Variants in LHCGR observed in about 807,000 individuals in gnomAD.
LHCGR encodes the protein luteinizing hormone/choriogonadotropin receptor.
In LHCGR, 55 loss-of-function variants were observed where a neutral mutation model predicts 60.7. That is an observed-to-expected ratio of 0.91 (90% CI 0.73 to 1.13). LHCGR has a LOEUF of 1.13. LHCGR is among the 50% of genes most tolerant of loss of function. The pLI, the probability that LHCGR is intolerant of heterozygous loss-of-function variation, is 0.00. For missense variants in LHCGR, 862 were observed against 836.0 expected, an observed-to-expected ratio of 1.03 and a Z score of -0.38; for synonymous variants, 337 against 316.5, an observed-to-expected ratio of 1.06 and a Z score of -0.69.
intron 9 of LHCGR, among the ~76,000 whole-genome samples, chr2:48,696,629 G>A (rs953278841): frequency 6.6e-5 from 10 of 152,096 alleles, no homozygotes; most frequent in Non-Finnish European, 1.0e-4. Flanking sequence ...CCCTGCCCCC[G>A]CCAAGAAAAA....
intron 7 of LHCGR, among the ~76,000 whole-genome samples, chr2:48,710,435 T>G (rs890487186): frequency 6.6e-6 from 1 of 152,252 alleles, no homozygotes; most frequent in African/African-American, 2.4e-5. Flanking sequence ...TGTTCAAATT[T>G]CGTGACAGAG....
Position 48,698,809 on chromosome 2 carries a change from T to G in LHCGR, c.681-9A>C, listed in dbSNP as rs1485614573. 6.2e-7 allele frequency: 1 copy of G among 1,607,514 alleles called. No individual in the cohort carries two copies. Among genetic ancestry groups the G allele is most frequent in the East Asian group, 2.2e-5 (1 of 44,782 alleles). On this transcript the variant is annotated splice_polypyrimidine_tract_variant and intron_variant, in intron 8 of 10. Coordinates refer to ENST00000294954, the MANE Select transcript of LHCGR (RefSeq NM_000233.4). ...TGGTGGAAGAAATATCCCTGAACAA[T>G]AAAGGGGAGAAATGCTTTTTATTTA...
At chr2:48,697,639 G>T (rs1054688607) in intron 9 of LHCGR, among the ~76,000 whole-genome samples, 1 of 152,088 alleles carries the variant, frequency 6.6e-6, no homozygotes, top group African/African-American at 2.4e-5. Flanking sequence ...ATTCATTTTG[G>T]TTGATTCCAA....
chr2:48,736,724 T>C (rs1274860790), intron 1 of LHCGR, among the ~76,000 whole-genome samples: 2 of 152,200 alleles, frequency 1.3e-5, no homozygotes, highest in African/African-American at 4.8e-5. Context: ...TTGTTTTGTA[T>C]GTTATATATA....
chr2:48,718,561 A>G (rs1668362180), intron 6 of LHCGR, among the ~76,000 whole-genome samples: 3 of 152,186 alleles, frequency 2.0e-5, no homozygotes, highest in Non-Finnish European at 4.4e-5. Flanking sequence ...GGCAAAGCAT[A>G]CCGTTTTAGA....
In LHCGR at chr2:48,737,588, C is replaced by T. The variant is rs72876957; in HGVS notation, c.162-6290G>A. On this transcript the variant is annotated intron_variant, in intron 1 of 10. Coordinates refer to ENST00000294954, the MANE Select transcript of LHCGR (RefSeq NM_000233.4). Reference sequence around the variant, plus strand: ...TAAATCTTTGAGCTGTCAAAGGCATCGGACTATTTGGTGGCTTCATTACAG... The same window carrying T: ...TAAATCTTTGAGCTGTCAAAGGCATTGGACTATTTGGTGGCTTCATTACAG... Among the ~76,000 whole-genome samples the T allele has an allele frequency of 5.5e-3, 845 of 152,284 alleles. 5 individuals are homozygous for T. The highest frequency in any genetic ancestry group is 0.019 in the African/African-American group (786 of 41,562).
chr2:48,715,765 A>C (rs1330681822), intron 6 of LHCGR, among the ~76,000 whole-genome samples: 1 of 152,194 alleles, frequency 6.6e-6, no homozygotes, highest in Non-Finnish European at 1.5e-5. Flanking sequence ...TAAAGGTGTG[A>C]CTCATGTTGA....
Position 48,688,072 on chromosome 2 carries a change from G to C in LHCGR, c.1725C>G (p.Ile575Met). Residue 575 changes from isoleucine (I) to methionine (M), a missense_variant, in exon 11 of 11, where the codon ATC becomes ATG. Coordinates refer to ENST00000294954, the MANE Select transcript of LHCGR (RefSeq NM_000233.4). This position sits in a 1 kb window ranked among gnomAD's most constrained non-coding sequence, Gnocchi z 5.2. ...TKIAKKMAIL[I>M]FTDFTCMAPI... ...GTGCCATGCAGGTGAAATCGGTGAAGATGAGGATTGCCATTTTCTTAGCAA... is the reference window on the plus strand; with the variant it reads ...GTGCCATGCAGGTGAAATCGGTGAACATGAGGATTGCCATTTTCTTAGCAA... 6.2e-7 allele frequency: 1 copy of C among 1,614,182 alleles called. No individual in the cohort carries two copies. Among genetic ancestry groups the C allele is most frequent in the Non-Finnish European group, 8.5e-7 (1 of 1,180,018 alleles).
chr2:48,703,135 T>C (rs968493839), intron 8 of LHCGR, among the ~76,000 whole-genome samples: 1 of 152,250 alleles, frequency 6.6e-6, no homozygotes, highest in African/African-American at 2.4e-5. Flanking sequence ...GTTTTTCTTG[T>C]AAATTTGTTT....
intron 8 of LHCGR, 66 bp downstream of exon 8, chr2:48,708,882 G>C (rs1371820366): frequency 8.3e-7 from 1 of 1,208,970 alleles, no homozygotes; most frequent in African/African-American, 1.5e-5. Context: ...TGATGTGGAG[G>C]GACACCCTAA....
At chr2:48,752,875 G>GA (rs374661878) in intron 1 of LHCGR, among the ~76,000 whole-genome samples, 22 of 145,240 alleles carry the variant, frequency 1.5e-4, no homozygotes, top group African/African-American at 2.8e-4. Context: ...CCTCTTTGAG[G>GA]AAAAAAAAAA....
At chr2:48,716,409 T>A (rs1668253033) in intron 6 of LHCGR, among the ~76,000 whole-genome samples, 1 of 152,222 alleles carries the variant, frequency 6.6e-6, no homozygotes, top group Non-Finnish European at 1.5e-5. Flanking sequence ...CCAGGCACTG[T>A]TCTAGATACA....
intron 1 of LHCGR, among the ~76,000 whole-genome samples, chr2:48,734,818 C>G (rs1293852822): frequency 6.6e-6 from 1 of 152,168 alleles, no homozygotes; most frequent in African/African-American, 2.4e-5. Flanking sequence ...AAGGACAGAG[C>G]CCTTTCTGTC....
intron 6 of LHCGR, among the ~76,000 whole-genome samples, chr2:48,716,283 A>G (rs183321928): frequency 6.6e-6 from 1 of 152,162 alleles, no homozygotes; most frequent in Admixed American, 6.5e-5. Flanking sequence ...ATTTCCATCT[A>G]AGTCAGTAGC....
At chr2:48,709,597 A>C (rs889191211) in intron 7 of LHCGR, among the ~76,000 whole-genome samples, 11 of 152,216 alleles carry the variant, frequency 7.2e-5, no homozygotes, top group African/African-American at 2.7e-4. Context: ...AAATTGCCCC[A>C]TGGGGCTGTG....
In LHCGR at chr2:48,731,317, A is replaced by G; in HGVS notation, c.162-19T>C. 6.3e-7 allele frequency: 1 copy of G among 1,579,196 alleles called. No homozygotes were observed. The highest frequency in any genetic ancestry group is 2.2e-5 in the East Asian group (1 of 44,674). ...AAGTGATCTAGAAAAGAAAAAAGGA[A>G]ATCCAAGAGTTTAAGATTTATGATA... On this transcript the variant is annotated intron_variant, in intron 1 of 10. Coordinates refer to ENST00000294954, the MANE Select transcript of LHCGR (RefSeq NM_000233.4).
intron 3 of LHCGR, among the ~76,000 whole-genome samples, 172 bp downstream of exon 3, chr2:48,728,981 A>G (rs551800218): frequency 1.3e-5 from 2 of 152,266 alleles, no homozygotes; most frequent in South Asian, 4.1e-4. Context: ...CACCATAGCA[A>G]CCTACAGGCC....
intron 1 of LHCGR, among the ~76,000 whole-genome samples, chr2:48,733,323 A>T (rs990703077): frequency 6.6e-6 from 1 of 152,052 alleles, no homozygotes; most frequent in African/African-American, 2.4e-5. Context: ...GCATGGTGTG[A>T]CTCCCAGAGG....
At chr2:48,730,069 A>AT (rs1668923441) in intron 2 of LHCGR, among the ~76,000 whole-genome samples, 1 of 152,244 alleles carries the variant, frequency 6.6e-6, no homozygotes, top group African/African-American at 2.4e-5. Flanking sequence ...TTGAAAAAAA[A>AT]GTCTCAAATT....
Sources: allele counts gnomAD v4.1 joint callset (sites outside exome capture counted in the v4.1 genomes callset), GRCh38; gene constraint gnomAD v4.1.1; non-coding constraint Gnocchi (gnomAD v3.1); transcripts MANE v1.5; gene names NCBI Gene and HGNC (gene_info 2026-07-23, HGNC 2026-07-21).